The following TMCC1 variants were observed in gnomAD, a reference collection of about 807,000 sequenced individuals.
TMCC1 encodes transmembrane and coiled-coil domain family 1.
A neutral mutation model predicts 52.4 loss-of-function variants in TMCC1; 15 were observed. The observed-to-expected ratio is 0.29, with a 90% CI of 0.19 to 0.44. The LOEUF is 0.44. Among genes scored for constraint, TMCC1 ranks in the 20% least tolerant of loss-of-function variants. The probability of loss-of-function intolerance (pLI) is 1.00; values close to 1 mark genes in which losing one functional copy is unlikely to be tolerated. For synonymous variants in TMCC1, 279 were observed against 301.9 expected, an observed-to-expected ratio of 0.92 and a Z score of 0.79; for missense variants, 503 against 806.0, an observed-to-expected ratio of 0.62 and a Z score of 4.55.
chr3:129,885,743 TTTTG>T (rs1169239670), intron 1 of TMCC1, among the ~76,000 whole-genome samples: 6 of 151,970 alleles, frequency 3.9e-5, no homozygotes, highest in Admixed American at 2.0e-4. Context: ...TAATAGGTTT[TTTTG>T]TTTGTTTGTT....
chr3:129,764,983 G>A (rs1191872511), intron 4 of TMCC1, among the ~76,000 whole-genome samples: 4 of 150,136 alleles, frequency 2.7e-5, no homozygotes, highest in Non-Finnish European at 5.9e-5. Context: ...TAATGTTTTT[G>A]TAGAAAGAGG....
At chr3:129,695,126 A>AAAT (rs2047314281) in intron 4 of TMCC1, among the ~76,000 whole-genome samples, 3 of 72,970 alleles carry the variant, frequency 4.1e-5, no homozygotes, top group South Asian at 7.2e-4. Flanking sequence ...AAAAAAAAAA[A>AAAT]TCATAATTAA....
chr3:129,724,288 C>T (rs1055932962), intron 4 of TMCC1, among the ~76,000 whole-genome samples: 5 of 152,150 alleles, frequency 3.3e-5, no homozygotes, highest in Non-Finnish European at 7.4e-5. Context: ...TACTTTGAAT[C>T]CCAAACACAG....
At chr3:129,716,919 G>C (rs1447489311) in intron 4 of TMCC1, among the ~76,000 whole-genome samples, 1 of 152,188 alleles carries the variant, frequency 6.6e-6, no homozygotes, top group African/African-American at 2.4e-5. Flanking sequence ...TCTACAAGTG[G>C]TGAGTGGCTG....
Position 129,887,467 on chromosome 3 carries a change from G to A in TMCC1, c.-435+6027C>T, listed in dbSNP as rs570279377. Among the ~76,000 whole-genome samples, 21 of 151,322 alleles carry A rather than the reference G, an allele frequency of 1.4e-4. No homozygotes were observed. The South Asian group carries it at 2.5e-3, about 18-fold the overall frequency. The stretch of plus-strand genomic sequence containing the variant: ...TGAGGCAGAAGAATCACTTGAACCC[G>A]GGAGGTGGAGGCTGCAGTGAGCCAA... On this transcript the variant is annotated intron_variant, in intron 1 of 6. Coordinates refer to ENST00000393238, the MANE Select transcript of TMCC1 (RefSeq NM_001017395.5).
intron 4 of TMCC1, among the ~76,000 whole-genome samples, chr3:129,802,693 G>A (rs2057263092): frequency 6.6e-6 from 1 of 152,130 alleles, no homozygotes; most frequent in South Asian, 2.1e-4. Context: ...AAAGGAGGAG[G>A]AAAACTTGTG....
chr3:129,668,507 C>T (rs181808857), intron 5 of TMCC1, among the ~76,000 whole-genome samples: 1 of 152,272 alleles, frequency 6.6e-6, no homozygotes, highest in East Asian at 1.9e-4. Context: ...GGAATTTGAA[C>T]TTGGGAGTTA....
At chr3:129,796,609 C>T (rs2056845251) in intron 4 of TMCC1, among the ~76,000 whole-genome samples, 1 of 152,056 alleles carries the variant, frequency 6.6e-6, no homozygotes, top group Non-Finnish European at 1.5e-5. Context: ...CACTTGACAC[C>T]AGGAGTTCAA....
chr3:129,736,280 G>A (rs995937132), intron 4 of TMCC1, among the ~76,000 whole-genome samples: 1 of 152,094 alleles, frequency 6.6e-6, no homozygotes, highest in Non-Finnish European at 1.5e-5. Context: ...ATCTGCAACT[G>A]GCAGGACATA....
intron 4 of TMCC1, among the ~76,000 whole-genome samples, chr3:129,700,193 A>G (rs969695694): frequency 6.6e-6 from 1 of 152,186 alleles, no homozygotes; most frequent in African/African-American, 2.4e-5. Flanking sequence ...TTAGGAACAT[A>G]GTGAGACCTT....
At chr3:129,830,420 A>C (rs2058855008) in intron 3 of TMCC1, among the ~76,000 whole-genome samples, 1 of 152,170 alleles carries the variant, frequency 6.6e-6, no homozygotes, top group South Asian at 2.1e-4. Flanking sequence ...ACCATTCCTC[A>C]TGAGTTTGTC....
intron 4 of TMCC1, among the ~76,000 whole-genome samples, chr3:129,756,405 G>T (rs888423568): frequency 1.3e-5 from 2 of 152,274 alleles, no homozygotes; most frequent in East Asian, 3.9e-4. Context: ...CAAGACAGAT[G>T]AATCTTTATT....
At chr3:129,857,183 A>T (rs2060180226) in intron 2 of TMCC1, 1 of 152,308 alleles carries the variant, frequency 6.6e-6, no homozygotes. Context: ...CAGCCTCCCA[A>T]AATGCTGGGA....
chr3:129,879,817 T>C (rs1236636803), intron 2 of TMCC1, among the ~76,000 whole-genome samples: 1 of 152,154 alleles, frequency 6.6e-6, no homozygotes, highest in Non-Finnish European at 1.5e-5. Flanking sequence ...AACCATCCAG[T>C]GTCTATGCAG....
intron 5 of TMCC1, among the ~76,000 whole-genome samples, chr3:129,656,441 A>G (rs551725432): frequency 2.0e-5 from 3 of 152,338 alleles, no homozygotes; most frequent in South Asian, 2.1e-4. Context: ...AAACTCACAC[A>G]TCTAAAACTA....
intron 1 of TMCC1, among the ~76,000 whole-genome samples, chr3:129,882,895 CT>C (rs2061523723): frequency 6.6e-6 from 1 of 152,086 alleles, no homozygotes; most frequent in African/African-American, 2.4e-5. Flanking sequence ...GTTTAAAAGA[CT>C]TTCAGTTTGC....
intron 2 of TMCC1, among the ~76,000 whole-genome samples, chr3:129,863,322 A>G (rs896270530): frequency 6.6e-6 from 1 of 152,186 alleles, no homozygotes; most frequent in African/African-American, 2.4e-5. Context: ...AAAGCATGTG[A>G]TGTAAGAATA....
intron 1 of TMCC1, among the ~76,000 whole-genome samples, chr3:129,891,759 A>G (rs1420456386): frequency 6.6e-6 from 1 of 152,226 alleles, no homozygotes; most frequent in Non-Finnish European, 1.5e-5. Flanking sequence ...GGCTCAATAA[A>G]CATTTGATGA....
At chr3:129,863,505 A>C (rs868529896) in intron 2 of TMCC1, among the ~76,000 whole-genome samples, 1 of 152,150 alleles carries the variant, frequency 6.6e-6, no homozygotes, top group Non-Finnish European at 1.5e-5. Flanking sequence ...GAAAAGAAAA[A>C]GGGGAAAAGG....
Sources: allele counts gnomAD v4.1 joint callset (sites outside exome capture counted in the v4.1 genomes callset), GRCh38; gene constraint gnomAD v4.1.1; transcripts MANE v1.5; gene names NCBI Gene and HGNC (gene_info 2026-07-23, HGNC 2026-07-21).